Variants in IQCM observed in about 807,000 individuals in gnomAD.
The protein encoded by IQCM is IQ domain-containing protein M.
In IQCM, 45 loss-of-function variants were observed where a neutral mutation model predicts 57.6. The ratio of observed to expected loss-of-function variants is 0.78; its 90% CI spans 0.62 to 1.00. The LOEUF is 1.00. Among genes scored for constraint, IQCM ranks in the 50% least tolerant of loss-of-function variants. The pLI is 0.00. For synonymous variants in IQCM, 148 were observed against 158.9 expected (o/e 0.93, Z 0.51); for missense variants, 468 against 511.6 (o/e 0.91, Z 0.82).
At chr4:149,423,214 T>A (rs2111226265) in intron 13 of IQCM, among the ~76,000 whole-genome samples, 1 of 152,004 alleles carries the variant, frequency 6.6e-6, no homozygotes, top group East Asian at 2.0e-4. Flanking sequence ...CTCAGGAAAC[T>A]TACAACTGGT....
chr4:149,812,173 T>C (rs997106791), intron 2 of IQCM, among the ~76,000 whole-genome samples: 2 of 152,192 alleles, frequency 1.3e-5, no homozygotes, highest in Non-Finnish European at 2.9e-5. Flanking sequence ...ATTACTCCTT[T>C]GGGTGAACTG....
Position 149,655,501 on chromosome 4 carries a change from T to C in IQCM, c.565+26617A>G, listed in dbSNP as rs574875483. ...AGATCAGGCAAGATGTGTTTTCAGA[T>C]AATAAAACATTTGTCTTTATGAAAT... On this transcript the variant is annotated intron_variant, in intron 7 of 13. Transcript: ENST00000636793. Among the ~76,000 whole-genome samples, 5 of 152,292 alleles carry C rather than the reference T, an allele frequency of 3.3e-5. No homozygotes were observed. The East Asian group carries it at 9.6e-4, about 29-fold the overall frequency.
intron 11 of IQCM, among the ~76,000 whole-genome samples, chr4:149,549,321 C>G (rs961028890): frequency 6.6e-6 from 1 of 151,940 alleles, no homozygotes; most frequent in African/African-American, 2.4e-5. Context: ...CGAGACCATC[C>G]CGGCTAAAAC....
At chr4:149,518,324 A>T (rs1223610453) in intron 12 of IQCM, among the ~76,000 whole-genome samples, 2 of 152,182 alleles carry the variant, frequency 1.3e-5, no homozygotes, top group East Asian at 1.9e-4. Context: ...CCTAGTGCTT[A>T]CTGGGTAGAT....
intron 7 of IQCM, among the ~76,000 whole-genome samples, chr4:149,661,853 C>A (rs759055025): frequency 2.6e-5 from 4 of 151,918 alleles, no homozygotes; most frequent in East Asian, 3.9e-4. Context: ...CTTAGTCTGG[C>A]TAATGATTTG....
chr4:149,672,824 T>G (rs140665464), intron 7 of IQCM, among the ~76,000 whole-genome samples: 3,959 of 151,970 alleles, frequency 0.026, 173 homozygotes, highest in African/African-American at 0.088. Flanking sequence ...ACACATAATT[T>G]TCAGATTCAC....
intron 7 of IQCM, among the ~76,000 whole-genome samples, chr4:149,637,175 A>G (rs544939979): frequency 2.2e-4 from 34 of 151,530 alleles, no homozygotes; most frequent in Admixed American, 8.5e-4. Context: ...AAAAAAAAAA[A>G]AAAGAAAGTG....
rs559590132 is a variant in IQCM at position 149,604,203 on chromosome 4, T to TTGCTAATTTG, written c.682-16207_682-16206insCAAATTAGCA. On this transcript the variant is annotated intron_variant, in intron 8 of 13. Transcript: ENST00000636793. ...TACAAATATTAGCAAGTGTAATTAC[T>TTGCTAATTTG]GGTTTGATTGTGAATCCACTTATCT... Among the ~76,000 whole-genome samples, 73 of 152,316 alleles carry TTGCTAATTTG rather than the reference T, an allele frequency of 4.8e-4. 1 individual carries two copies. The South Asian group carries it at 0.015, about 32-fold the overall frequency.
chr4:149,746,019 A>C (rs558663604), intron 2 of IQCM, among the ~76,000 whole-genome samples: 142 of 151,674 alleles, frequency 9.4e-4, no homozygotes, highest in Non-Finnish European at 1.6e-3. Context: ...CATGGCTCTT[A>C]TAATTCAGTA....
intron 2 of IQCM, among the ~76,000 whole-genome samples, chr4:149,805,453 T>C (rs1190504601): frequency 6.6e-6 from 1 of 152,054 alleles, no homozygotes; most frequent in Non-Finnish European, 1.5e-5. Flanking sequence ...TCTAGCCACA[T>C]GAAACCAAGA....
chr4:149,786,728 G>C (rs1349761244), intron 2 of IQCM, among the ~76,000 whole-genome samples: 1 of 152,124 alleles, frequency 6.6e-6, no homozygotes, highest in Non-Finnish European at 1.5e-5. Flanking sequence ...TTACACTGTT[G>C]GTGGGAATGT....
At chr4:149,459,877 C>T (rs140162330) in intron 12 of IQCM, among the ~76,000 whole-genome samples, 12 of 152,192 alleles carry the variant, frequency 7.9e-5, no homozygotes, top group Non-Finnish European at 1.3e-4. Flanking sequence ...TTGTTGCGAA[C>T]GTGGGTTGAA....
At chr4:149,382,979 T>A (rs1731178130) in intron 13 of IQCM, among the ~76,000 whole-genome samples, 1 of 146,076 alleles carries the variant, frequency 6.8e-6, no homozygotes, top group African/African-American at 2.5e-5. Flanking sequence ...ACATTAATGG[T>A]CATATTCTTC....
chr4:149,430,294 AT>A (rs1734738302), intron 13 of IQCM, among the ~76,000 whole-genome samples: 1 of 151,970 alleles, frequency 6.6e-6, no homozygotes, highest in Non-Finnish European at 1.5e-5. Flanking sequence ...TACTACCAAA[AT>A]AAAAGCTTCC....
chr4:149,434,532 CCT>C (rs1735166077), intron 12 of IQCM, among the ~76,000 whole-genome samples: 1 of 151,958 alleles, frequency 6.6e-6, no homozygotes. Context: ...CATATATTTC[CCT>C]CCTTTCCTCT....
chr4:149,702,163 G>C (rs1413666308), intron 5 of IQCM, among the ~76,000 whole-genome samples: 3 of 151,832 alleles, frequency 2.0e-5, no homozygotes, highest in African/African-American at 7.3e-5. Context: ...CATTACAACT[G>C]ATAACACACT....
chr4:149,386,055 T>G lies in IQCM; in HGVS notation c.1391-33989A>C, dbSNP rs142691540. ...AATCCTTCATTGGCTTCTCACCTCT[T>G]AAAGAAAAGTCGTAATAGTAGGACT... On this transcript the variant is annotated intron_variant, in intron 13 of 13. Transcript: ENST00000636793. 5.3e-5 allele frequency among the ~76,000 whole-genome samples: 8 copies of G among 152,206 alleles called. No individual in the cohort carries two copies. The South Asian group carries it at 6.2e-4, about 12-fold the overall frequency.
chr4:149,496,297 G>A (rs573503194), intron 12 of IQCM, among the ~76,000 whole-genome samples: 1 of 152,084 alleles, frequency 6.6e-6, no homozygotes, highest in Non-Finnish European at 1.5e-5. Flanking sequence ...ATGGTAGACA[G>A]AATAATAGTA....
intron 2 of IQCM, among the ~76,000 whole-genome samples, chr4:149,791,750 A>G (rs1772637694): frequency 6.6e-6 from 1 of 152,192 alleles, no homozygotes; most frequent in African/African-American, 2.4e-5. Flanking sequence ...TTTATACCAC[A>G]GGGATGTTTA....
Sources: gnomAD v4.1 joint callset for allele counts (sites outside exome capture counted in the v4.1 genomes callset) on GRCh38, gnomAD v4.1.1 for gene constraint, MANE v1.5 for transcripts, NCBI Gene and HGNC (gene_info 2026-07-23, HGNC 2026-07-21) for gene names.